The following CRB1 variants were observed in gnomAD, a reference collection of about 807,000 sequenced individuals.
CRB1 encodes crumbs cell polarity complex component 1.
Under a neutral mutation model 120.0 loss-of-function variants are expected in CRB1, and 83 were observed. The observed-to-expected ratio is 0.69, with a 90% CI of 0.58 to 0.83. The LOEUF (loss-of-function observed/expected upper bound fraction) is 0.83, where lower values mean the gene tolerates loss of function less well. CRB1 is among the 40% of genes least tolerant of loss of function. The probability of loss-of-function intolerance (pLI) is 0.00; values close to 1 mark genes in which losing one functional copy is unlikely to be tolerated. For synonymous variants in CRB1, 625 were observed against 612.5 expected, an observed-to-expected ratio of 1.02 and a Z score of -0.30; for missense variants, 1,699 against 1,687.6, an observed-to-expected ratio of 1.01 and a Z score of -0.12.
At chr1:197,344,976 C>T (rs1200697624) in intron 3 of CRB1, among the ~76,000 whole-genome samples, 1 of 152,022 alleles carries the variant, frequency 6.6e-6, no homozygotes, top group Non-Finnish European at 1.5e-5. Flanking sequence ...AGCATAATGG[C>T]GAGAAATAGC....
At chr1:197,357,117 C>T (rs748430915) in intron 5 of CRB1, 104 bp downstream of exon 5, 1 of 1,193,968 alleles carries the variant, frequency 8.4e-7, no homozygotes, top group South Asian at 1.2e-5. Flanking sequence ...ACTGTGTAAA[C>T]TCTGCTGCTG....
At chr1:197,245,712 A>T in the CRB1 span, among the ~76,000 whole-genome samples, 9,545 of 152,084 alleles carry the variant, frequency 0.063, 1,026 homozygotes, top group African/African-American at 0.22. Context: ...AGGTCTATTT[A>T]AGCTTTCTGT....
chr1:197,438,983 C>T (rs931429156), intron 10 of CRB1: 4 of 323,622 alleles, frequency 1.2e-5, no homozygotes, highest in Non-Finnish European at 2.4e-5. Flanking sequence ...AACTCTAATA[C>T]ATGATGCAAA....
the CRB1 span, among the ~76,000 whole-genome samples, chr1:197,257,296 G>A: frequency 1.3e-5 from 2 of 152,092 alleles, no homozygotes; most frequent in Non-Finnish European, 2.9e-5. Context: ...ATGCCCGCCC[G>A]CTTTGGAGAG....
At chr1:197,354,501 T>C (rs764410512) in intron 4 of CRB1, among the ~76,000 whole-genome samples, 2 of 152,040 alleles carry the variant, frequency 1.3e-5, no homozygotes, top group Non-Finnish European at 2.9e-5. Flanking sequence ...GGGTTCGTGG[T>C]CTTACTGGCT....
rs1284890999 is a variant in CRB1 at position 197,361,566 on chromosome 1, G to A, written c.1171+4553G>A. Reference sequence around the variant, plus strand: ...GTCAATTAGATCATGTTGGATGATTGTAGTGATCGGATCTTCTATATTGCT... The same window carrying A: ...GTCAATTAGATCATGTTGGATGATTATAGTGATCGGATCTTCTATATTGCT... On this transcript the variant is annotated intron_variant, in intron 5 of 11. Transcript: ENST00000367400. 1.7e-4 allele frequency among the ~76,000 whole-genome samples: 26 copies of A among 151,874 alleles called. 2 individuals carry two copies. Among genetic ancestry groups the A allele is most frequent in the Admixed American group, 1.7e-3 (26 of 15,278 alleles).
chr1:197,275,018 A>T (rs192286893), intron 1 of CRB1, among the ~76,000 whole-genome samples: 1 of 152,104 alleles, frequency 6.6e-6, no homozygotes, highest in Non-Finnish European at 1.5e-5. Context: ...TGGAATCCTT[A>T]CCTGCCTTTT....
At chr1:197,451,254 T>C (rs1303077165) in intron 11 of CRB1, among the ~76,000 whole-genome samples, 1 of 152,210 alleles carries the variant, frequency 6.6e-6, no homozygotes, top group African/African-American at 2.4e-5. Context: ...TCATGCATTT[T>C]CTATGTATAA....
the CRB1 span, among the ~76,000 whole-genome samples, chr1:197,210,094 CT>C: frequency 2.0e-5 from 3 of 152,232 alleles, no homozygotes; most frequent in South Asian, 2.1e-4. Context: ...GTCCTGCCCC[CT>C]ATTCACCATT....
intron 11 of CRB1, among the ~76,000 whole-genome samples, chr1:197,471,641 C>G (rs1428330283): frequency 6.6e-6 from 1 of 152,214 alleles, no homozygotes; most frequent in African/African-American, 2.4e-5. Flanking sequence ...TCCCAGGACA[C>G]TTCCCGAGTT....
the CRB1 span, among the ~76,000 whole-genome samples, chr1:197,203,299 G>A: frequency 6.6e-6 from 1 of 152,054 alleles, no homozygotes; most frequent in Non-Finnish European, 1.5e-5. Flanking sequence ...AATAAACCAA[G>A]TATGCTTTCT....
the CRB1 span, among the ~76,000 whole-genome samples, chr1:197,253,232 T>C: frequency 1.2e-4 from 19 of 152,080 alleles, no homozygotes; most frequent in African/African-American, 4.6e-4. Flanking sequence ...ATTCCGCAGA[T>C]AAGTACATTC....
the CRB1 span, chr1:197,222,846 T>A: frequency 2.6e-6 from 4 of 1,512,942 alleles, no homozygotes; most frequent in South Asian, 4.5e-5. Flanking sequence ...TGATTTATAT[T>A]CACTGGAGCT....
Position 197,328,490 on chromosome 1 carries a change from G to T in CRB1, c.139G>T (p.Asp47Tyr), listed in dbSNP as rs1558056654. 4.3e-6 allele frequency: 7 copies of T among 1,614,006 alleles called. No individual in the cohort carries two copies. Among genetic ancestry groups the T allele is most frequent in the African/African-American group, 1.3e-5 (1 of 74,912 alleles). ...NSCQNNSTCK[D>Y]FSKDNDCSCS... ...TTGCCAAAACAATTCTACATGCAAA[G>T]ATTTTTCAAAAGACAATGATTGTTC... The change falls in exon 2 of 12, where the codon GAT becomes TAT. Residue 47 changes from aspartate (D) to tyrosine (Y), a missense_variant. Coordinates refer to ENST00000367400, the MANE Select transcript of CRB1 (RefSeq NM_201253.3).
chr1:197,385,395 C>T (rs544508243), intron 5 of CRB1, among the ~76,000 whole-genome samples: 33 of 152,040 alleles, frequency 2.2e-4, no homozygotes, highest in Non-Finnish European at 4.1e-4. Flanking sequence ...TATCAGGAAA[C>T]TATATGTCTA....
At chr1:197,288,119 C>G (rs558641150) in intron 1 of CRB1, among the ~76,000 whole-genome samples, 1 of 151,838 alleles carries the variant, frequency 6.6e-6, no homozygotes, top group Admixed American at 6.6e-5. Context: ...GAGGGGAGAG[C>G]TGCACAGAGA....
intron 1 of CRB1, among the ~76,000 whole-genome samples, chr1:197,326,905 A>C (rs1658524870): frequency 6.6e-6 from 1 of 151,562 alleles, no homozygotes; most frequent in South Asian, 2.1e-4. Context: ...TCCTTCAGTG[A>C]AAATTATTAG....
At chr1:197,290,586 A>G (rs1215350479) in intron 1 of CRB1, among the ~76,000 whole-genome samples, 3 of 151,588 alleles carry the variant, frequency 2.0e-5, no homozygotes, top group Non-Finnish European at 4.4e-5. Flanking sequence ...CTATCAGCCA[A>G]CAGGACAGAC....
the CRB1 span, among the ~76,000 whole-genome samples, chr1:197,250,541 T>C: frequency 6.6e-6 from 1 of 151,892 alleles, no homozygotes; most frequent in Non-Finnish European, 1.5e-5. Flanking sequence ...CATTACATTA[T>C]ATTACATTAC....
Sources: allele counts gnomAD v4.1 joint callset (sites outside exome capture counted in the v4.1 genomes callset), GRCh38; gene constraint gnomAD v4.1.1; transcripts MANE v1.5; gene names NCBI Gene and HGNC (gene_info 2026-07-23, HGNC 2026-07-21).